MRPL47: variants seen among roughly 807,000 people sequenced by gnomAD.
MRPL47 encodes large ribosomal subunit protein uL29m.
A neutral mutation model predicts 34.0 loss-of-function variants in MRPL47; 31 were observed. The ratio of observed to expected loss-of-function variants is 0.91; its 90% confidence interval spans 0.68 to 1.23. The LOEUF (loss-of-function observed/expected upper bound fraction) is 1.23. MRPL47 is among the 50% of genes most tolerant of loss of function. MRPL47 has a pLI of 0.00. For missense variants in MRPL47, 328 were observed against 285.8 expected (o/e 1.15, Z -1.07); for synonymous variants, 106 against 101.6 (o/e 1.04, Z -0.26).
At chr3:179,597,820 A>G (rs1560019278) in intron 4 of MRPL47, among the ~76,000 whole-genome samples, 1 of 150,732 alleles carries the variant, frequency 6.6e-6, no homozygotes, top group Non-Finnish European at 1.5e-5. Flanking sequence ...AAAAAATAAA[A>G]TAAAAAAGTA....
intron 6 of MRPL47, among the ~76,000 whole-genome samples, chr3:179,592,355 C>A (rs1718693095): frequency 6.6e-6 from 1 of 151,954 alleles, no homozygotes; most frequent in Non-Finnish European, 1.5e-5. Flanking sequence ...CCACCATGTC[C>A]GTCTAATTTT....
intron 2 of MRPL47, 62 bp downstream of exon 2, chr3:179,602,589 TG>T: frequency 1.4e-6 from 1 of 739,224 alleles, no homozygotes; most frequent in Admixed American, 3.5e-5. Context: ...GAACGATGGT[TG>T]GGCGGGGCGG....
intron 4 of MRPL47, among the ~76,000 whole-genome samples, chr3:179,598,141 G>C (rs951374967): frequency 3.3e-5 from 5 of 152,074 alleles, no homozygotes; most frequent in African/African-American, 9.6e-5. Flanking sequence ...TTGCAGGTAG[G>C]TTTGGGAAGC....
At position 179,588,865 on chromosome 3, in the gene MRPL47, AGAC is replaced by A; in HGVS notation, c.*4_*6del. On this transcript the variant is annotated 3_prime_UTR_variant, in exon 7 of 7. Coordinates refer to ENST00000476781, the MANE Select transcript of MRPL47 (RefSeq NM_020409.3). ...AACAAAATGGTAAATTTAATAGTTC[AGAC>A]ATCTTAGACAAGACTTGACTTTTGG... The A allele has an allele frequency of 6.2e-7, 1 of 1,612,038 alleles. No homozygotes were observed. Among genetic ancestry groups the A allele is most frequent in the Non-Finnish European group, 8.5e-7 (1 of 1,179,144 alleles).
At position 179,588,999 on chromosome 3, in the gene MRPL47, G is replaced by A; in HGVS notation, c.630-4C>T. 1 of 1,592,210 alleles carries A rather than the reference G, an allele frequency of 6.3e-7. No individual in the cohort carries two copies. The highest frequency in any genetic ancestry group is 1.9e-5 in the Admixed American group (1 of 53,692). On this transcript the variant is annotated splice_region_variant and splice_polypyrimidine_tract_variant and intron_variant, in intron 6 of 6. Transcript: ENST00000476781. ...GGCTCGTTTCTCACGTTCCAGTCTA[G>A]AATAAAAAAAGCGTAACAGCAATTT...
intron 4 of MRPL47, among the ~76,000 whole-genome samples, chr3:179,598,430 A>ACACACACACAC (rs1491589511): frequency 3.5e-4 from 40 of 114,036 alleles, no homozygotes; most frequent in South Asian, 6.4e-4. Context: ...ACACACAAAC[A>ACACACACACAC]AAAAAAAAAA....
intron 4 of MRPL47, among the ~76,000 whole-genome samples, chr3:179,598,430 A>ACACACACACACACACACACAC (rs1491589511): frequency 8.8e-6 from 1 of 114,172 alleles, no homozygotes; most frequent in Non-Finnish European, 1.8e-5. Context: ...ACACACAAAC[A>ACACACACACACACACACACAC]AAAAAAAAAA....
chr3:179,600,332 T>G (rs950058148), intron 3 of MRPL47, among the ~76,000 whole-genome samples: 1 of 152,074 alleles, frequency 6.6e-6, no homozygotes, highest in African/African-American at 2.4e-5. Context: ...AGATAAACAA[T>G]GCTTTACATC....
intron 1 of MRPL47, among the ~76,000 whole-genome samples, chr3:179,603,366 C>T (rs373368033): frequency 3.6e-4 from 54 of 152,106 alleles, no homozygotes; most frequent in African/African-American, 1.2e-3. Context: ...GGCAAAACCT[C>T]ATCTTTAACA....
chr3:179,591,075 ATTTGT>A (rs762441572), intron 6 of MRPL47, among the ~76,000 whole-genome samples: 5 of 152,214 alleles, frequency 3.3e-5, no homozygotes, highest in Non-Finnish European at 7.3e-5. Flanking sequence ...GTTTTTAAAA[ATTTGT>A]TTTGGTATGA....
At chr3:179,600,665 A>G (rs1034654594) in intron 3 of MRPL47, among the ~76,000 whole-genome samples, 2 of 152,076 alleles carry the variant, frequency 1.3e-5, no homozygotes, top group African/African-American at 4.8e-5. Flanking sequence ...AAAAAAAAGC[A>G]AATGTCTACT....
At chr3:179,589,462 T>C (rs1004224954) in intron 6 of MRPL47, among the ~76,000 whole-genome samples, 18 of 152,224 alleles carry the variant, frequency 1.2e-4, no homozygotes, top group African/African-American at 4.3e-4. Context: ...CACACATCAG[T>C]ATCCCAGGGT....
intron 1 of MRPL47, among the ~76,000 whole-genome samples, chr3:179,604,200 A>G (rs531967906): frequency 9.2e-5 from 14 of 152,318 alleles, no homozygotes; most frequent in Admixed American, 7.8e-4. Context: ...CACAACAAAA[A>G]CATCTTCGGT....
At position 179,588,846 on chromosome 3, in the gene MRPL47, A is replaced by G; in HGVS notation, c.*26T>C. The G allele has an allele frequency of 6.2e-7, 1 of 1,603,224 alleles. No homozygotes were observed. The highest frequency in any genetic ancestry group is 8.5e-7 in the Non-Finnish European group (1 of 1,175,504). ...ACACAGACTATTCAAGAAAAACAAA[A>G]TGGTAAATTTAATAGTTCAGACATC... On this transcript the variant is annotated 3_prime_UTR_variant, in exon 7 of 7. Transcript: ENST00000476781.
intron 2 of MRPL47, 54 bp downstream of exon 2, chr3:179,602,596 GGC>G (rs1475025322): frequency 0.018 from 13,200 of 748,910 alleles, 50 homozygotes; most frequent in East Asian, 0.056. Context: ...GGTTGGGCGG[GGC>G]GGGGGGGGGG....
At chr3:179,593,164 T>C (rs1454296036) in intron 5 of MRPL47, among the ~76,000 whole-genome samples, 2 of 152,208 alleles carry the variant, frequency 1.3e-5, no homozygotes, top group African/African-American at 4.8e-5. Flanking sequence ...CACCTCAGCA[T>C]GAAGGCTGAT....
At chr3:179,601,881 T>C in intron 2 of MRPL47, 91 bp from the exon 3 acceptor site, 1 of 822,106 alleles carries the variant, frequency 1.2e-6, no homozygotes. Context: ...CTAAACCTGT[T>C]TCTTTATCTG....
At position 179,599,001 on chromosome 3, in the gene MRPL47, C is replaced by T. The variant is rs191386118; in HGVS notation, c.306-230G>A. 1.7e-4 allele frequency among the ~76,000 whole-genome samples: 26 copies of T among 151,864 alleles called. 1 individual carries two copies. Among genetic ancestry groups the T allele is most frequent in the Admixed American group, 4.6e-4 (7 of 15,234 alleles). On this transcript the variant is annotated intron_variant, in intron 3 of 6. Transcript: ENST00000476781. Reference sequence around the variant, plus strand: ...CAGCTAGAAAAAATAAACATCACTACAAAAAATAAAAAATATAATTAGCCG... The same window carrying T: ...CAGCTAGAAAAAATAAACATCACTATAAAAAATAAAAAATATAATTAGCCG...
At chr3:179,595,344 T>A (rs59700512) in intron 4 of MRPL47, among the ~76,000 whole-genome samples, 1 of 152,190 alleles carries the variant, frequency 6.6e-6, no homozygotes, top group South Asian at 2.1e-4. Context: ...CCATTGCACC[T>A]GGCCCATAAC....
Sources: gnomAD v4.1 joint callset for allele counts (sites outside exome capture counted in the v4.1 genomes callset) on GRCh38, gnomAD v4.1.1 for gene constraint, MANE v1.5 for transcripts, NCBI Gene and HGNC (gene_info 2026-07-23, HGNC 2026-07-21) for gene names.